Variants in NFASC observed in about 807,000 individuals in gnomAD.
The protein encoded by NFASC is neurofascin homolog.
Under a neutral mutation model 147.5 loss-of-function variants are expected in NFASC, and 43 were observed. The observed-to-expected ratio is 0.29, with a 90% CI of 0.23 to 0.38. The LOEUF is 0.38. Among genes scored for constraint, NFASC ranks in the 10% least tolerant of loss-of-function variants. NFASC has a pLI of 1.00. For missense variants in NFASC, 1,320 were observed against 1,689.0 expected, an observed-to-expected ratio of 0.78 and a Z score of 3.83; for synonymous variants, 622 against 665.5, an observed-to-expected ratio of 0.93 and a Z score of 1.01.
chr1:204,957,876 C>T, intron 8 of NFASC, 50 bp downstream of exon 8: 7 of 1,562,276 alleles, frequency 4.5e-6, no homozygotes, highest in Non-Finnish European at 5.3e-6. Flanking sequence ...AAGAAGCCCA[C>T]TGATCCCACC....
chr1:204,986,104 C>T lies in NFASC; in HGVS notation c.2471-1314C>T. ...GCAGTGAGACCAAGGAGTTCACCAC[C>T]CCGGAAGGAGGTAGGTCTGGCCTGC... is the stretch of plus-strand genomic sequence containing the variant. On this transcript the variant is annotated intron_variant, in intron 21 of 29. Coordinates refer to ENST00000339876, the MANE Select transcript of NFASC (RefSeq NM_001005388.3). The surrounding 1 kb of genome is among the most constrained non-coding windows in gnomAD (Gnocchi z 4.2). The T allele has an allele frequency of 3.7e-6, 6 of 1,613,280 alleles. No homozygotes were observed. Among genetic ancestry groups the T allele is most frequent in the Non-Finnish European group, 5.1e-6 (6 of 1,179,218 alleles).
chr1:204,882,731 C>G (rs1430090784), intron 1 of NFASC, among the ~76,000 whole-genome samples: 1 of 152,158 alleles, frequency 6.6e-6, no homozygotes, highest in Non-Finnish European at 1.5e-5. Context: ...AACTGTAGCT[C>G]AGTGTTTCTC....
intron 4 of NFASC, among the ~76,000 whole-genome samples, chr1:204,951,470 AT>A (rs72061574): frequency 0.28 from 37,176 of 134,408 alleles, 4,816 homozygotes; most frequent in Non-Finnish European, 0.3. Flanking sequence ...GGCCTATGGG[AT>A]TTTTTTTTTT....
At chr1:204,863,216 G>A (rs530567249) in intron 1 of NFASC, among the ~76,000 whole-genome samples, 37 of 152,164 alleles carry the variant, frequency 2.4e-4, no homozygotes, top group Non-Finnish European at 4.1e-4. Context: ...TAGATCCCCA[G>A]CTCCATGCCA....
Position 204,981,802 on chromosome 1 carries a change from T to C in NFASC, c.2252T>C (p.Met751Thr), listed in dbSNP as rs767062575. 8.4e-6 allele frequency: 13 copies of C among 1,556,528 alleles called. No homozygotes were observed. The highest frequency in any genetic ancestry group is 1.0e-5 in the Non-Finnish European group (12 of 1,148,124). ...CCTGTCTGTCCCTCTGCCCAGCCCA[T>C]GAATGCCACCTCGGCCTTTGGCCCC... Reference protein sequence around the residue: ...KNNMEITWTPMNATSAFGPNL... With the variant: ...KNNMEITWTPTNATSAFGPNL... Residue 751 changes from methionine (M) to threonine (T), a missense_variant, in exon 21 of 30, where the codon ATG becomes ACG. Coordinates refer to ENST00000339876, the MANE Select transcript of NFASC (RefSeq NM_001005388.3).
In NFASC at chr1:204,936,200, TTTTC is replaced by T. The variant is rs1254540127; in HGVS notation, c.-90-8022_-90-8019del. Among the ~76,000 whole-genome samples the T allele has an allele frequency of 4.8e-5, 6 of 124,852 alleles. 1 individual carries two copies. Among genetic ancestry groups the T allele is most frequent in the Admixed American group, 1.5e-4 (2 of 12,918 alleles). 81.9% of individuals were successfully genotyped at this position (124,852 alleles called of 152,430 possible). The stretch of plus-strand genomic sequence containing the variant: ...ACAGATTCCCTCTCTCTCTCTTTCT[TTTTC>T]TTTTTTTTTTTTTTTGAGATGGAGT... On this transcript the variant is annotated intron_variant, in intron 2 of 29. Coordinates refer to ENST00000339876, the MANE Select transcript of NFASC (RefSeq NM_001005388.3).
intron 1 of NFASC, among the ~76,000 whole-genome samples, chr1:204,844,139 G>T (rs1029317235): frequency 6.6e-6 from 1 of 152,202 alleles, no homozygotes; most frequent in African/African-American, 2.4e-5. Flanking sequence ...GAACCACACT[G>T]CCTGGGTTTC....
intron 3 of NFASC, among the ~76,000 whole-genome samples, chr1:204,945,257 C>T (rs1014672174): frequency 6.6e-5 from 10 of 152,342 alleles, no homozygotes; most frequent in African/African-American, 2.4e-4. Flanking sequence ...TTAGCATCCC[C>T]AGGCTAGGAT....
intron 1 of NFASC, among the ~76,000 whole-genome samples, chr1:204,878,760 G>A (rs536933958): frequency 2.8e-4 from 43 of 152,314 alleles, no homozygotes; most frequent in African/African-American, 1.0e-3. Flanking sequence ...TTGGAAGAGG[G>A]TAGGAGAGTC....
chr1:204,968,134 C>A lies in NFASC; in HGVS notation c.707-115C>A. 1 of 752,398 alleles carries A rather than the reference C, an allele frequency of 1.3e-6. No homozygotes were observed. Among genetic ancestry groups the A allele is most frequent in the Non-Finnish European group, 2.3e-6 (1 of 427,804 alleles). The allele number at this position is 752,398 out of a possible 1,614,324, so 46.6% of individuals were successfully genotyped here. ...GCCCAAGTCCTTGGGATGGTTTCAG[C>A]TGGGAGGATCCGGCAGGGGCGGTGA... On this transcript the variant is annotated intron_variant, in intron 8 of 29. Transcript: ENST00000339876. This position sits in a 1 kb window ranked among gnomAD's most constrained non-coding sequence, Gnocchi z 5.4.
chr1:204,975,918 T>C lies in NFASC; in HGVS notation c.1706+500T>C, dbSNP rs987065799. 6.6e-6 allele frequency among the ~76,000 whole-genome samples: 1 copy of C among 152,150 alleles called. No homozygotes were observed. Among genetic ancestry groups the C allele is most frequent in the Admixed American group, 6.5e-5 (1 of 15,280 alleles). ...CCCCGCTCCTCAGACCCTGATTTCA[T>C]TGGTGTAGGGTAGGACTTAGGACAC... On this transcript the variant is annotated intron_variant, in intron 15 of 29. Coordinates refer to ENST00000339876, the MANE Select transcript of NFASC (RefSeq NM_001005388.3). The surrounding 1 kb of genome is among the most constrained non-coding windows in gnomAD (Gnocchi z 4.0).
chr1:204,872,143 C>G (rs774487882), intron 1 of NFASC, among the ~76,000 whole-genome samples: 3 of 152,210 alleles, frequency 2.0e-5, no homozygotes, highest in Non-Finnish European at 4.4e-5. Flanking sequence ...CTCCCTGGCT[C>G]AGACCAATTC....
intron 1 of NFASC, among the ~76,000 whole-genome samples, chr1:204,864,649 A>G (rs2076973444): frequency 6.6e-6 from 1 of 152,158 alleles, no homozygotes; most frequent in African/African-American, 2.4e-5. Flanking sequence ...ACATCTTTTC[A>G]TGTGCTTCTT....
At chr1:204,840,302 A>G (rs1369634806) in intron 1 of NFASC, among the ~76,000 whole-genome samples, 2 of 152,118 alleles carry the variant, frequency 1.3e-5, no homozygotes, top group African/African-American at 2.4e-5. Flanking sequence ...GATACCTGAG[A>G]CCCAACCTGT....
chr1:204,986,308 G>A lies in NFASC; in HGVS notation c.2471-1110G>A, dbSNP rs894756246. 3.3e-5 allele frequency among the ~76,000 whole-genome samples: 5 copies of A among 152,324 alleles called. No homozygotes were observed. Among genetic ancestry groups the A allele is most frequent in the East Asian group, 1.9e-4 (1 of 5,182 alleles). ...CCATCGCCAAGGTGACCTGCCCTGC[G>A]AGGAGGTTGTATCTCAAGAGAAGAC... On this transcript the variant is annotated intron_variant, in intron 21 of 29. Transcript: ENST00000339876. The surrounding 1 kb of genome is among the most constrained non-coding windows in gnomAD (Gnocchi z 4.2).
At chr1:204,906,771 CT>C (rs1273170134) in intron 1 of NFASC, among the ~76,000 whole-genome samples, 2 of 57,524 alleles carry the variant, frequency 3.5e-5, no homozygotes, top group Admixed American at 2.5e-4. Context: ...CAAGCTCCGC[CT>C]CCCGGGCTCA....
At chr1:204,936,544 C>A (rs926566626) in intron 2 of NFASC, among the ~76,000 whole-genome samples, 4 of 152,184 alleles carry the variant, frequency 2.6e-5, no homozygotes, top group Non-Finnish European at 5.9e-5. Flanking sequence ...CCTCACCCCT[C>A]TGGGTATTTT....
chr1:204,866,105 C>A (rs1218480073), intron 1 of NFASC, among the ~76,000 whole-genome samples: 3 of 152,206 alleles, frequency 2.0e-5, no homozygotes, highest in Non-Finnish European at 2.9e-5. Flanking sequence ...AGTGGACTTT[C>A]TCCTAGCACT....
At chr1:204,889,770 A>G (rs943961728) in intron 1 of NFASC, among the ~76,000 whole-genome samples, 17 of 152,204 alleles carry the variant, frequency 1.1e-4, no homozygotes, top group African/African-American at 3.9e-4. Flanking sequence ...AGGCCAATGT[A>G]CTGGGTGGTA....
Sources: gnomAD v4.1 joint callset for allele counts (sites outside exome capture counted in the v4.1 genomes callset) on GRCh38, gnomAD v4.1.1 for gene constraint, Gnocchi (gnomAD v3.1) non-coding constraint, MANE v1.5 for transcripts, NCBI Gene and HGNC (gene_info 2026-07-23, HGNC 2026-07-21) for gene names.